AP3B1: variants seen among roughly 807,000 people sequenced by gnomAD.
AP3B1 encodes adaptor related protein complex 3 subunit beta 1.
In AP3B1, 61 loss-of-function variants were observed where a neutral mutation model predicts 132.5. That is an observed-to-expected ratio of 0.46 (90% confidence interval 0.37 to 0.57). The LOEUF (loss-of-function observed/expected upper bound fraction) is 0.57. Ranked by LOEUF, AP3B1 falls within the 20% of genes least tolerant of loss-of-function variation. The probability of loss-of-function intolerance (pLI) is 0.00; values close to 1 mark genes in which losing one functional copy is unlikely to be tolerated. For missense variants in AP3B1, 1,120 were observed against 1,289.4 expected, an observed-to-expected ratio of 0.87 and a Z score of 2.01; for synonymous variants, 388 against 438.3, an observed-to-expected ratio of 0.89 and a Z score of 1.43.
At chr5:78,120,102 T>C (rs1752096327) in intron 17 of AP3B1, among the ~76,000 whole-genome samples, 1 of 151,902 alleles carries the variant, frequency 6.6e-6, no homozygotes, top group African/African-American at 2.4e-5. Context: ...GCTTCCTAAG[T>C]GAAGGAGAAA....
chr5:78,022,614 T>G (rs1409137542), intron 24 of AP3B1, among the ~76,000 whole-genome samples: 1 of 152,194 alleles, frequency 6.6e-6, no homozygotes, highest in African/African-American at 2.4e-5. Flanking sequence ...ACTTTACTTA[T>G]ATAACTAAGA....
chr5:78,040,808 G>A (rs1286603739), intron 22 of AP3B1, among the ~76,000 whole-genome samples: 1 of 151,994 alleles, frequency 6.6e-6, no homozygotes, highest in Non-Finnish European at 1.5e-5. Flanking sequence ...ACTATGCCGT[G>A]TACACCTGAT....
chr5:78,131,049 T>C (rs1298819842), intron 15 of AP3B1, among the ~76,000 whole-genome samples: 2 of 151,860 alleles, frequency 1.3e-5, no homozygotes, highest in African/African-American at 4.8e-5. Flanking sequence ...ATTATAAGCT[T>C]ATAAATAAGT....
At chr5:78,145,813 T>C (rs757068208) in intron 14 of AP3B1, among the ~76,000 whole-genome samples, 1 of 152,168 alleles carries the variant, frequency 6.6e-6, no homozygotes, top group Non-Finnish European at 1.5e-5. Context: ...TCACCTCTTC[T>C]TTTAAGGATA....
intron 14 of AP3B1, among the ~76,000 whole-genome samples, chr5:78,151,339 C>T (rs1179968273): frequency 6.6e-6 from 1 of 152,210 alleles, no homozygotes; most frequent in Non-Finnish European, 1.5e-5. Flanking sequence ...TTCTTCCTTT[C>T]CAATGTGGAT....
intron 17 of AP3B1, among the ~76,000 whole-genome samples, chr5:78,126,088 GA>G (rs139840021): frequency 0.087 from 12,081 of 138,520 alleles, 764 homozygotes; most frequent in African/African-American, 0.18. Context: ...ACCCCATAAT[GA>G]AAAAAAAAAA....
intron 22 of AP3B1, chr5:78,042,709 AACCAC>A (rs1477259772): frequency 6.0e-6 from 1 of 166,226 alleles, no homozygotes; most frequent in Admixed American, 6.3e-5. Flanking sequence ...ATCCCAAGTC[AACCAC>A]ACCAAGGATT....
intron 7 of AP3B1, among the ~76,000 whole-genome samples, chr5:78,190,676 TA>T (rs1744790554): frequency 6.6e-6 from 1 of 152,192 alleles, no homozygotes; most frequent in South Asian, 2.1e-4. Context: ...TACTCATCTA[TA>T]AAAGCAGTAA....
chr5:78,073,598 G>T (rs1301391052), intron 22 of AP3B1, among the ~76,000 whole-genome samples: 1 of 151,934 alleles, frequency 6.6e-6, no homozygotes, highest in Non-Finnish European at 1.5e-5. Flanking sequence ...TAGAATTTCA[G>T]AAACTCATTT....
chr5:78,002,964 C>T lies in AP3B1; in HGVS notation c.3223G>A (p.Glu1075Lys), dbSNP rs1196310058. Reference sequence around the variant, plus strand: ...AGAACAGAGCCAATCACAGTTTTCTCAGTGTTTATGATAAGCTGGGCTGTA... The same window carrying T: ...AGAACAGAGCCAATCACAGTTTTCTTAGTGTTTATGATAAGCTGGGCTGTA... Reference protein sequence around the residue: ...GSTAQLIINTEKTVIGSVLLR... With the variant: ...GSTAQLIINTKKTVIGSVLLR... The change falls in exon 27 of 27, where the codon GAG becomes AAG. Residue 1075 changes from glutamate to lysine, a missense_variant. Glu to Lys is a moderately conservative substitution (Grantham distance 56). Around this residue, in one of 3 missense-constraint regions of AP3B1, gnomAD observed 906 missense variants for 997.1 expected, o/e 0.91. Transcript: ENST00000255194. 1 of 1,614,172 alleles carries T rather than the reference C, an allele frequency of 6.2e-7. No individual in the cohort carries two copies. The highest frequency in any genetic ancestry group is 1.7e-5 in the Admixed American group (1 of 60,024).
In AP3B1 at chr5:78,071,066, C is replaced by G. The variant is rs571356490; in HGVS notation, c.2577+18327G>C. On this transcript the variant is annotated intron_variant, in intron 22 of 26. Coordinates refer to ENST00000255194, the MANE Select transcript of AP3B1 (RefSeq NM_003664.5). ...ACCAATCCCATTACTGGGTATATAC[C>G]CAAAGGAATACAAATAATTCTATTA... Among the ~76,000 whole-genome samples the G allele has an allele frequency of 2.6e-5, 4 of 152,154 alleles. No individual in the cohort carries two copies. In the South Asian group the frequency reaches 6.2e-4, roughly 24 times the overall value.
At chr5:78,084,677 A>T (rs765171651) in intron 22 of AP3B1, among the ~76,000 whole-genome samples, 24 of 152,076 alleles carry the variant, frequency 1.6e-4, no homozygotes, top group Admixed American at 7.2e-4. Context: ...TGGGTAATAG[A>T]TGTATTACAT....
chr5:78,086,105 T>G (rs1257337136), intron 22 of AP3B1, among the ~76,000 whole-genome samples: 4 of 152,180 alleles, frequency 2.6e-5, no homozygotes, highest in African/African-American at 4.8e-5. Flanking sequence ...GATCACAATT[T>G]TTATAGCTAC....
At chr5:78,077,066 C>T (rs936557194) in intron 22 of AP3B1, among the ~76,000 whole-genome samples, 1 of 152,188 alleles carries the variant, frequency 6.6e-6, no homozygotes, top group Non-Finnish European at 1.5e-5. Flanking sequence ...GTCTGGAGGA[C>T]TGTGCCTTTA....
intron 21 of AP3B1, among the ~76,000 whole-genome samples, chr5:78,097,094 C>T (rs1304967246): frequency 5.8e-5 from 7 of 119,706 alleles, no homozygotes; most frequent in East Asian, 2.4e-4. Context: ...CCAGCCGCCC[C>T]GTCCGGGAGG....
intron 15 of AP3B1, among the ~76,000 whole-genome samples, chr5:78,132,546 A>G (rs1397425161): frequency 1.3e-5 from 2 of 152,238 alleles, no homozygotes; most frequent in Non-Finnish European, 2.9e-5. Context: ...TATGTGCATA[A>G]GAAAACATAG....
intron 8 of AP3B1, among the ~76,000 whole-genome samples, chr5:78,179,137 AT>A (rs1744266759): frequency 6.6e-6 from 1 of 152,220 alleles, no homozygotes; most frequent in Admixed American, 6.5e-5. Flanking sequence ...TCAATTAATG[AT>A]TGACCTAATC....
At position 78,051,980 on chromosome 5, in the gene AP3B1, TGAGG is replaced by T. The variant is rs931157654; in HGVS notation, c.2578-12710_2578-12707del. Among the ~76,000 whole-genome samples, 33 of 151,476 alleles carry T rather than the reference TGAGG, an allele frequency of 2.2e-4. 1 individual carries two copies. Among genetic ancestry groups the T allele is most frequent in the Admixed American group, 1.7e-3 (26 of 15,268 alleles). On this transcript the variant is annotated intron_variant, in intron 22 of 26. Coordinates refer to ENST00000255194, the MANE Select transcript of AP3B1 (RefSeq NM_003664.5). The stretch of plus-strand genomic sequence containing the variant: ...TGATTTTACCTTCAATCCATTTCAT[TGAGG>T]CTAGCATTAACCTAGTATTGACCTA...
intron 26 of AP3B1, among the ~76,000 whole-genome samples, chr5:78,013,919 T>A (rs1471237846): frequency 2.0e-5 from 3 of 152,118 alleles, no homozygotes; most frequent in African/African-American, 7.2e-5. Context: ...ATCCCAGCAC[T>A]TTGGGAGGCC....
Sources: gnomAD v4.1 joint callset for allele counts (sites outside exome capture counted in the v4.1 genomes callset) on GRCh38, gnomAD v4.1.1 for gene constraint, gnomAD v4.1.1 regional missense constraint, MANE v1.5 for transcripts, NCBI Gene and HGNC (gene_info 2026-07-23, HGNC 2026-07-21) for gene names.